AKAP13: variants seen among roughly 807,000 people sequenced by gnomAD.
AKAP13 encodes A-kinase anchor protein 13.
A neutral mutation model predicts 264.5 loss-of-function variants in AKAP13; 80 were observed. The ratio of observed to expected loss-of-function variants is 0.30; its 90% CI spans 0.25 to 0.36. AKAP13 has a LOEUF of 0.36. Ranked by LOEUF, AKAP13 falls within the 10% of genes least tolerant of loss-of-function variation. AKAP13 has a pLI of 1.00. For missense variants in AKAP13, 3,712 were observed against 3,435.2 expected (o/e 1.08, Z -2.01); for synonymous variants, 1,380 against 1,250.2 (o/e 1.10, Z -2.19).
intron 9 of AKAP13, among the ~76,000 whole-genome samples, chr15:85,644,321 G>A (rs1239038185): frequency 1.3e-5 from 2 of 150,796 alleles, no homozygotes; most frequent in African/African-American, 4.9e-5. Context: ...GCTCACTGCA[G>A]TCTCCGCTTC....
chr15:85,646,852 T>C lies in AKAP13; in HGVS notation c.4374+898T>C, dbSNP rs1050960875. On this transcript the variant is annotated intron_variant, in intron 10 of 36. Transcript: ENST00000394518. ...TTGCTTTCTTTTGCTTATATTTGTT[T>C]CTAGTGGCAGCAAGTTCTGTTTTGC... Among the ~76,000 whole-genome samples the C allele has an allele frequency of 5.9e-5, 9 of 152,310 alleles. 1 individual carries two copies. Among genetic ancestry groups the C allele is most frequent in the Admixed American group, 5.2e-4 (8 of 15,290 alleles).
At position 85,719,148 on chromosome 15, in the gene AKAP13, T is replaced by C; in HGVS notation, c.6074T>C (p.Met2025Thr). ...AGTGGTGTGTACAGCCAGGGGATGA[T>C]GGCGGATCTGCTTTTTGAGCAGCAG... ...IMSGVYSQGM[M>T]ADLLFEQQMV... Residue 2025 changes from methionine (M) to threonine (T), a missense_variant, in exon 23 of 37, where the codon ATG becomes ACG. Transcript: ENST00000394518. The C allele has an allele frequency of 1.9e-6, 3 of 1,614,172 alleles. No individual in the cohort carries two copies. The highest frequency in any genetic ancestry group is 2.5e-6 in the Non-Finnish European group (3 of 1,180,028).
At chr15:85,532,124 G>A (rs1017988026) in intron 3 of AKAP13, among the ~76,000 whole-genome samples, 2 of 152,188 alleles carry the variant, frequency 1.3e-5, no homozygotes, top group Non-Finnish European at 2.9e-5. Context: ...GTGGAGAGAT[G>A]ACTGTCAGAT....
chr15:85,448,634 A>G (rs960144951), intron 1 of AKAP13, among the ~76,000 whole-genome samples: 13 of 152,084 alleles, frequency 8.5e-5, no homozygotes, highest in South Asian at 4.2e-4. Context: ...TCTTTTCCCT[A>G]TTGCTTGTTT....
At chr15:85,722,174 G>A in intron 24 of AKAP13, 56 bp from the exon 25 acceptor site, 1 of 1,610,152 alleles carries the variant, frequency 6.2e-7, no homozygotes, top group Non-Finnish European at 8.5e-7. Flanking sequence ...GTCCCTGTCG[G>A]CTTTCACTAG....
rs2086421784 is a variant in AKAP13, at chr15:85,708,200, TACCAACTTTGAGA to T, written c.5532+117_5532+129del. 1.0e-6 allele frequency: 1 copy of T among 972,630 alleles called. No individual in the cohort carries two copies. Among genetic ancestry groups the T allele is most frequent in the Admixed American group, 2.6e-5 (1 of 38,124 alleles). 60.2% of individuals were successfully genotyped at this position (972,630 alleles called of 1,614,324 possible). On this transcript the variant is annotated intron_variant, in intron 18 of 36. Transcript: ENST00000394518. This position sits in a 1 kb window ranked among gnomAD's most constrained non-coding sequence, Gnocchi z 4.3. ...GATTTTGTTTATTTTAATCATTTGG[TACCAACTTTGAGA>T]ACAAATTATAACTAAAAAATATTTT...
intron 3 of AKAP13, among the ~76,000 whole-genome samples, chr15:85,530,203 T>TTC (rs778558375): frequency 2.6e-5 from 4 of 152,164 alleles, no homozygotes; most frequent in Non-Finnish European, 5.9e-5. Flanking sequence ...GTTGTTCTGT[T>TTC]TCTCTCCCTG....
At chr15:85,656,010 C>T (rs1188720711) in intron 11 of AKAP13, among the ~76,000 whole-genome samples, 1 of 152,108 alleles carries the variant, frequency 6.6e-6, no homozygotes, top group East Asian at 1.9e-4. Flanking sequence ...TTAATATTCT[C>T]ATCTGTAAAA....
At chr15:85,602,193 T>A (rs747618341) in intron 8 of AKAP13, among the ~76,000 whole-genome samples, 3 of 152,108 alleles carry the variant, frequency 2.0e-5, no homozygotes, top group African/African-American at 7.2e-5. Context: ...ATTGAACTTT[T>A]TGTACTCTGT....
intron 5 of AKAP13, among the ~76,000 whole-genome samples, chr15:85,570,485 C>T (rs10152731): frequency 0.63 from 95,170 of 152,014 alleles, 29,931 homozygotes; most frequent in Middle Eastern, 0.72. Context: ...AGGAGCCAGA[C>T]CACAAAGCCT....
chr15:85,550,077 C>T (rs562656100), intron 5 of AKAP13, among the ~76,000 whole-genome samples: 24 of 152,192 alleles, frequency 1.6e-4, no homozygotes, highest in East Asian at 7.7e-4. Flanking sequence ...CCACCACGCC[C>T]GGCTTATTTT....
chr15:85,521,634 A>G, intron 3 of AKAP13, 59 bp downstream of exon 3: 2 of 1,565,180 alleles, frequency 1.3e-6, no homozygotes, highest in Middle Eastern at 1.7e-4. Context: ...CTTTTATTCG[A>G]TGTTTATGAG....
Position 85,643,199 on chromosome 15 carries a change from AT to A in AKAP13, c.4238-2607del, listed in dbSNP as rs10674019. Among the ~76,000 whole-genome samples, 154 of 145,542 alleles carry A rather than the reference AT, an allele frequency of 1.1e-3. 1 individual carries two copies. Among genetic ancestry groups the A allele is most frequent in the African/African-American group, 1.8e-3 (70 of 39,404 alleles). On this transcript the variant is annotated intron_variant, in intron 9 of 36. Transcript: ENST00000394518. ...TGAGCCCTCTCTCACTTCCTATGGC[AT>A]TTTTTTTTTTTGTAATTCTTTGTTG... is the stretch of plus-strand genomic sequence containing the variant.
intron 4 of AKAP13, chr15:85,534,126 T>C (rs2077319124): frequency 2.2e-6 from 1 of 446,864 alleles, no homozygotes. Flanking sequence ...GTCACCTTCC[T>C]GTGGGTCTGG....
intron 1 of AKAP13, chr15:85,415,682 G>A (rs760510912): frequency 9.6e-6 from 10 of 1,042,932 alleles, no homozygotes; most frequent in Non-Finnish European, 1.2e-5. Flanking sequence ...GAATGACCAA[G>A]CTCAGTTCAA....
intron 5 of AKAP13, among the ~76,000 whole-genome samples, chr15:85,548,551 T>G (rs2077836840): frequency 6.6e-6 from 1 of 152,184 alleles, no homozygotes; most frequent in Admixed American, 6.5e-5. Flanking sequence ...TCCCCTCTCT[T>G]AATGATAATA....
intron 16 of AKAP13, among the ~76,000 whole-genome samples, chr15:85,686,711 C>T (rs1193471471): frequency 6.6e-6 from 1 of 152,054 alleles, no homozygotes; most frequent in East Asian, 1.9e-4. Context: ...TTTTACTTAC[C>T]ACTGCCGGCT....
In AKAP13 at chr15:85,651,163, T is replaced by C. The variant is rs150823272; in HGVS notation, c.4375-4254T>C. Among the ~76,000 whole-genome samples, 184 of 152,360 alleles carry C rather than the reference T, an allele frequency of 1.2e-3. 3 individuals are homozygous for C. The East Asian group carries it at 0.031, about 26-fold the overall frequency. On this transcript the variant is annotated intron_variant, in intron 10 of 36. Coordinates refer to ENST00000394518, the MANE Select transcript of AKAP13 (RefSeq NM_007200.5). ...GTATATACTTACGTATCCATACCTG[T>C]ATAATGTAACTCTGGCTAAGAAAGC...
chr15:85,623,178 A>G (rs1001289471), intron 8 of AKAP13, among the ~76,000 whole-genome samples: 4 of 152,098 alleles, frequency 2.6e-5, no homozygotes, highest in African/African-American at 7.2e-5. Flanking sequence ...CTCCACTTTT[A>G]TCTGTGGAAA....
Sources: allele counts gnomAD v4.1 joint callset (sites outside exome capture counted in the v4.1 genomes callset), GRCh38; gene constraint gnomAD v4.1.1; non-coding constraint Gnocchi (gnomAD v3.1); transcripts MANE v1.5; gene names NCBI Gene and HGNC (gene_info 2026-07-23, HGNC 2026-07-21).